The following MTMR9 variants were observed in gnomAD, a reference collection of about 807,000 sequenced individuals.
The protein encoded by MTMR9 is myotubularin related protein 9.
In MTMR9, 39 loss-of-function variants were observed where a neutral mutation model predicts 69.5. The observed-to-expected ratio is 0.56, with a 90% confidence interval of 0.43 to 0.73. The LOEUF is 0.73. MTMR9 is among the 30% of genes least tolerant of loss of function. The pLI is 0.00. For synonymous variants in MTMR9, 354 were observed against 240.8 expected, an observed-to-expected ratio of 1.47 and a Z score of -4.35; for missense variants, 900 against 671.2, an observed-to-expected ratio of 1.34 and a Z score of -3.77.
intron 6 of MTMR9, among the ~76,000 whole-genome samples, chr8:11,312,328 G>T (rs568791298): frequency 1.0e-3 from 152 of 152,138 alleles, no homozygotes; most frequent in African/African-American, 3.5e-3. Context: ...GAGATTACAG[G>T]TCTGACCCAC....
chr8:11,337,204 G>A, the MTMR9 span, among the ~76,000 whole-genome samples: 91 of 152,150 alleles, frequency 6.0e-4, no homozygotes, highest in African/African-American at 2.0e-3. Flanking sequence ...TCTTGCTCTC[G>A]TAGCCACTCA....
chr8:11,333,685 C>A, the MTMR9 span, among the ~76,000 whole-genome samples: 1 of 152,072 alleles, frequency 6.6e-6, no homozygotes, highest in African/African-American at 2.4e-5. Context: ...CATAAAAAAG[C>A]AATTATAAAT....
At chr8:11,300,285 G>A (rs1167684562) in intron 3 of MTMR9, 137 bp downstream of exon 3, 21 of 929,746 alleles carry the variant, frequency 2.3e-5, no homozygotes, top group Non-Finnish European at 3.2e-5. Context: ...TATTTAAAAG[G>A]ATTGAAGCCA....
Position 11,326,007 on chromosome 8 carries a change from T to C in MTMR9, c.*3219T>C, listed in dbSNP as rs1800915476. ...GGCCTGATTTAGGGGTGGGATTTTA[T>C]TGCTTTTTGTTTTAAAGGATGAAAT... is the stretch of plus-strand genomic sequence containing the variant. On this transcript the variant is annotated 3_prime_UTR_variant, in exon 10 of 10. Transcript: ENST00000221086. 1 of 152,254 alleles carries C rather than the reference T, an allele frequency of 6.6e-6. No individual in the cohort carries two copies. Among genetic ancestry groups the C allele is most frequent in the Non-Finnish European group, 1.5e-5 (1 of 68,058 alleles). The allele number at this position is 152,254 out of a possible 1,614,324, so 9.4% of individuals were successfully genotyped here. A position where few individuals can be genotyped will look rare whatever the true frequency, so the allele number is the denominator to read the frequency against.
chr8:11,298,787 G>C (rs1455937038), intron 2 of MTMR9: 1 of 974,026 alleles, frequency 1.0e-6, no homozygotes, highest in East Asian at 1.2e-4. Context: ...GGATGAATCT[G>C]CCTAGTGATA....
In MTMR9 at chr8:11,316,902, A is replaced by C. The variant is rs752962507; in HGVS notation, c.1334+9A>C. 2.6e-6 allele frequency: 4 copies of C among 1,563,090 alleles called. No homozygotes were observed. Among genetic ancestry groups the C allele is most frequent in the Admixed American group, 3.6e-5 (2 of 55,174 alleles). On this transcript the variant is annotated intron_variant, in intron 8 of 9. Coordinates refer to ENST00000221086, the MANE Select transcript of MTMR9 (RefSeq NM_015458.4). Reference sequence around the variant, plus strand: ...AACAATGAAAGTGAAAGGTGAGTACACTGCTCACATGGGGACCTTTCCTTT... The same window carrying C: ...AACAATGAAAGTGAAAGGTGAGTACCCTGCTCACATGGGGACCTTTCCTTT...
At chr8:11,287,716 AAT>A (rs1491194613) in intron 1 of MTMR9, among the ~76,000 whole-genome samples, 7 of 135,964 alleles carry the variant, frequency 5.1e-5, no homozygotes, top group African/African-American at 1.4e-4. Context: ...TATATATTAT[AAT>A]ATATATTATA....
the MTMR9 span, among the ~76,000 whole-genome samples, chr8:11,333,654 A>G: frequency 1.3e-5 from 2 of 152,226 alleles, no homozygotes; most frequent in East Asian, 1.9e-4. Context: ...TTTATTTTCC[A>G]TAGGAATTAA....
At chr8:11,286,787 C>T (rs1407494367) in intron 1 of MTMR9, among the ~76,000 whole-genome samples, 3 of 151,956 alleles carry the variant, frequency 2.0e-5, no homozygotes, top group African/African-American at 4.8e-5. Flanking sequence ...TATTTCTTGC[C>T]ATTTCTTTTA....
At chr8:11,333,197 A>T in the MTMR9 span, among the ~76,000 whole-genome samples, 2 of 152,250 alleles carry the variant, frequency 1.3e-5, no homozygotes, top group African/African-American at 4.8e-5. Context: ...AGAGATTCAT[A>T]CCAAGACACA....
At chr8:11,313,397 T>G (rs751124883) in intron 6 of MTMR9, among the ~76,000 whole-genome samples, 4 of 152,244 alleles carry the variant, frequency 2.6e-5, no homozygotes, top group Non-Finnish European at 4.4e-5. Flanking sequence ...CATTTATGTG[T>G]TCGCTGGAGA....
intron 3 of MTMR9, among the ~76,000 whole-genome samples, chr8:11,302,536 A>G (rs1799787370): frequency 6.6e-6 from 1 of 152,174 alleles, no homozygotes; most frequent in Non-Finnish European, 1.5e-5. Context: ...AGTTTGATCA[A>G]TATCTATTTA....
rs1391785593 is a variant in MTMR9, at chr8:11,309,681, A to T, written c.964A>T (p.Ile322Phe). The part of the protein sequence containing the change: ...LTTACLAAQC[I>F]DREGASILIH... ...AACTGCCTGCCTAGCGGCTCAGTGCATCGACAGGTAAAGTGCATTTCAGCG... is the reference window on the plus strand; with the variant it reads ...AACTGCCTGCCTAGCGGCTCAGTGCTTCGACAGGTAAAGTGCATTTCAGCG... The change falls in exon 6 of 10, where the codon ATC (isoleucine) becomes TTC (phenylalanine). Residue 322 changes from isoleucine (I) to phenylalanine (F), a missense_variant. Transcript: ENST00000221086. The T allele has an allele frequency of 6.2e-7, 1 of 1,613,412 alleles. No individual in the cohort carries two copies. Among genetic ancestry groups the T allele is most frequent in the Non-Finnish European group, 8.5e-7 (1 of 1,179,738 alleles).
chr8:11,312,131 A>G (rs891322026), intron 6 of MTMR9, among the ~76,000 whole-genome samples: 2 of 151,940 alleles, frequency 1.3e-5, no homozygotes, highest in African/African-American at 4.8e-5. Context: ...CGCAGCCTAG[A>G]ACTCCTGGGC....
Position 11,295,291 on chromosome 8 carries a change from A to C in MTMR9, c.280A>C (p.Ser94Arg), listed in dbSNP as rs1199714237. Reference protein sequence around the residue: ...PGMEECLNIASSIEALSTLDS... With the variant: ...PGMEECLNIARSIEALSTLDS... ...AATGGAGGAATGCTTGAATATAGCC[A>C]GTTCCATTGAGGTAAGTATTTTGGA... The change falls in exon 2 of 10, where the codon AGT (serine) becomes CGT (arginine). Residue 94 changes from serine to arginine, a missense_variant. Transcript: ENST00000221086. The C allele has an allele frequency of 6.3e-7, 1 of 1,581,784 alleles. No individual in the cohort carries two copies. The highest frequency in any genetic ancestry group is 8.7e-7 in the Non-Finnish European group (1 of 1,152,696).
At chr8:11,331,751 T>G, downstream of MTMR9, 1 of 1,611,808 alleles carries the variant, frequency 6.2e-7, no homozygotes, top group Admixed American at 1.7e-5. Context: ...CTCTGCACTT[T>G]CCCTCCTGCC....
chr8:11,309,625 A>C lies in MTMR9; in HGVS notation c.908A>C (p.Asn303Thr). Residue 303 changes from asparagine (N) to threonine (T), a missense_variant, in exon 6 of 10, where the codon AAC becomes ACC. Transcript: ENST00000221086. ...TGGCTCAGTAAATTGGAGGCCTCTA[A>C]CTGGCTGACTCACATCAAAGAGATT... ...DRWLSKLEAS[N>T]WLTHIKEILT... is the part of the protein sequence containing the mutation. 1 of 1,613,982 alleles carries C rather than the reference A, an allele frequency of 6.2e-7. No homozygotes were observed. The highest frequency in any genetic ancestry group is 1.1e-5 in the South Asian group (1 of 91,078).
chr8:11,302,819 C>T (rs530504767), intron 3 of MTMR9, among the ~76,000 whole-genome samples: 39 of 152,166 alleles, frequency 2.6e-4, no homozygotes, highest in Admixed American at 7.8e-4. Context: ...ATCTTGAGAT[C>T]ATAGGCATTT....
At chr8:11,298,313 A>C (rs975884412) in intron 2 of MTMR9, among the ~76,000 whole-genome samples, 1 of 152,126 alleles carries the variant, frequency 6.6e-6, no homozygotes, top group Non-Finnish European at 1.5e-5. Context: ...GTTAGGTCAG[A>C]CATGGACGCT....
Sources: allele counts gnomAD v4.1 joint callset (sites outside exome capture counted in the v4.1 genomes callset), GRCh38; gene constraint gnomAD v4.1.1; transcripts MANE v1.5; gene names NCBI Gene and HGNC (gene_info 2026-07-23, HGNC 2026-07-21).